Variants in TSPAN4 observed in about 807,000 individuals in gnomAD.
TSPAN4 encodes tetraspanin 4.
Under a neutral mutation model 31.5 loss-of-function variants are expected in TSPAN4, and 38 were observed. That is an observed-to-expected ratio of 1.21 (90% CI 0.93 to 1.58). The LOEUF is 1.58. Among genes scored for constraint, TSPAN4 ranks in the 40% most tolerant of loss-of-function variants. TSPAN4 has a pLI of 0.00. For missense variants in TSPAN4, 330 were observed against 317.3 expected (o/e 1.04, Z -0.30); for synonymous variants, 186 against 144.6 (o/e 1.29, Z -2.06).
At chr11:856,590 C>T (rs1408557944) in intron 3 of TSPAN4, among the ~76,000 whole-genome samples, 1 of 152,214 alleles carries the variant, frequency 6.6e-6, no homozygotes, top group Non-Finnish European at 1.5e-5. Flanking sequence ...AGGCTTTCAG[C>T]CTATTCCTAT....
chr11:859,188 T>C (rs1589782240), intron 3 of TSPAN4, among the ~76,000 whole-genome samples: 2 of 66,888 alleles, frequency 3.0e-5, no homozygotes, highest in Non-Finnish European at 5.6e-5. Context: ...ACGCATCCCC[T>C]CACATGCACC....
At chr11:851,866 A>G (rs1340087018) in intron 3 of TSPAN4, among the ~76,000 whole-genome samples, 1 of 151,524 alleles carries the variant, frequency 6.6e-6, no homozygotes, top group Non-Finnish European at 1.5e-5. Context: ...TCTCCTCTCC[A>G]CCCTCCTCCT....
intron 2 of TSPAN4, chr11:850,071 C>G (rs1047823683): frequency 7.7e-6 from 3 of 389,640 alleles, no homozygotes; most frequent in African/African-American, 6.5e-5. Context: ...CCGGCGCAGC[C>G]CCTCTCCGGA....
chr11:844,922 C>T (rs2133979362), intron 1 of TSPAN4, among the ~76,000 whole-genome samples: 1 of 152,250 alleles, frequency 6.6e-6, no homozygotes, highest in South Asian at 2.1e-4. Flanking sequence ...CTGGGTGTTG[C>T]CCTGGAAACA....
In TSPAN4 at chr11:864,466, G is replaced by T. The variant is rs779471581; in HGVS notation, c.285G>T (p.Leu95=). The T allele has an allele frequency of 6.2e-7, 1 of 1,612,792 alleles. No individual in the cohort carries two copies. Among genetic ancestry groups the T allele is most frequent in the Non-Finnish European group, 8.5e-7 (1 of 1,179,958 alleles). Residue 95 remains leucine (L), a synonymous_variant, in exon 5 of 9, where the codon CTG becomes CTT. Transcript: ENST00000397397. ...TFFLLLLLVF[L]LEATIAILFF... ...TCCTGCTGCTGCTGCTGGTGTTCCT[G>T]CTGGAGGCCACCATCGCCATCCTCT...
chr11:845,904 C>T (rs1475198299), intron 1 of TSPAN4, among the ~76,000 whole-genome samples: 2 of 152,126 alleles, frequency 1.3e-5, no homozygotes, highest in Non-Finnish European at 2.9e-5. Context: ...CACCCAGACT[C>T]TGTATGTAGC....
At chr11:844,969 C>T (rs28491585) in intron 1 of TSPAN4, among the ~76,000 whole-genome samples, 150,537 of 152,224 alleles carry the variant, frequency 0.99, 74,457 homozygotes, top group Middle Eastern at 1. Context: ...GGAGGGGGAG[C>T]ACGGGCTGAG....
intron 3 of TSPAN4, among the ~76,000 whole-genome samples, chr11:851,885 T>A (rs1485967965): frequency 6.6e-6 from 1 of 152,050 alleles, no homozygotes; most frequent in Non-Finnish European, 1.5e-5. Context: ...CTGTCCTCCG[T>A]GGCCTGGACA....
chr11:864,488 C>T lies in TSPAN4; in HGVS notation c.307C>T (p.Leu103Phe). Residue 103 changes from leucine to phenylalanine, a missense_variant, in exon 5 of 9, where the codon CTC becomes TTC. Physicochemically the swap from Leu to Phe is conservative, Grantham distance 22. Transcript: ENST00000397397. ...CCTGCTGGAGGCCACCATCGCCATC[C>T]TCTTCTTCGCCTACACGGACAAGGT... The part of the protein sequence containing the change: ...VFLLEATIAI[L>F]FFAYTDKIDR... The T allele has an allele frequency of 6.2e-7, 1 of 1,612,826 alleles. No individual in the cohort carries two copies. Among genetic ancestry groups the T allele is most frequent in the Non-Finnish European group, 8.5e-7 (1 of 1,179,948 alleles).
In TSPAN4 at chr11:855,514, G is replaced by A. The variant is rs529556669; in HGVS notation, c.63+5147G>A. The stretch of plus-strand genomic sequence containing the variant: ...GCACCCTGGGCAGGTGCCCACTGAC[G>A]AGGGCTGTTCTGCTCTCCCTGCTTT... On this transcript the variant is annotated intron_variant, in intron 3 of 8. Transcript: ENST00000397397. 4.6e-5 allele frequency among the ~76,000 whole-genome samples: 7 copies of A among 152,320 alleles called. No homozygotes were observed. In the East Asian group the frequency reaches 9.6e-4, roughly 21 times the overall value.
At position 848,071 on chromosome 11, in the gene TSPAN4, G is replaced by T. The variant is rs527636947; in HGVS notation, c.-18+771G>T. ...AGTAGGTGCTCTGAGCGCTGCCCAG[G>T]TCACATGTGAGCTCCCTGGAGGCGC... On this transcript the variant is annotated intron_variant, in intron 2 of 8. Coordinates refer to ENST00000397397, the MANE Select transcript of TSPAN4 (RefSeq NM_003271.5). This position sits in a 1 kb window ranked among gnomAD's most constrained non-coding sequence, Gnocchi z 5.7. Among the ~76,000 whole-genome samples, 12 of 152,340 alleles carry T rather than the reference G, an allele frequency of 7.9e-5. No individual in the cohort carries two copies. In the East Asian group the frequency reaches 2.3e-3, roughly 29 times the overall value.
At chr11:847,723 T>G (rs1847400177) in intron 2 of TSPAN4, among the ~76,000 whole-genome samples, 2 of 151,114 alleles carry the variant, frequency 1.3e-5, no homozygotes, top group Non-Finnish European at 2.9e-5. Flanking sequence ...GCTTTGTAGA[T>G]GGGAAAGGGG....
At chr11:861,595 C>T (rs1412886808) in intron 3 of TSPAN4, among the ~76,000 whole-genome samples, 2 of 152,138 alleles carry the variant, frequency 1.3e-5, no homozygotes, top group Non-Finnish European at 2.9e-5. Context: ...GCCTGTAGTC[C>T]CAGCTACTCG....
chr11:856,722 G>A (rs942698907), intron 3 of TSPAN4, among the ~76,000 whole-genome samples: 2 of 152,256 alleles, frequency 1.3e-5, no homozygotes, highest in African/African-American at 4.8e-5. Context: ...CCATCTGGCT[G>A]CATTTGACCA....
chr11:854,611 G>T (rs749492523), intron 3 of TSPAN4, among the ~76,000 whole-genome samples: 2 of 152,232 alleles, frequency 1.3e-5, no homozygotes, highest in African/African-American at 2.4e-5. Flanking sequence ...CGCTGCCTGG[G>T]CTGTCAACCC....
chr11:865,875 C>T, intron 7 of TSPAN4, 43 bp from the exon 8 acceptor site: 1 of 1,612,546 alleles, frequency 6.2e-7, no homozygotes, highest in East Asian at 2.2e-5. Flanking sequence ...GAGGGCGGGA[C>T]CAGCAGGCCC....
At chr11:861,529 G>A (rs1589788745) in intron 3 of TSPAN4, among the ~76,000 whole-genome samples, 1 of 152,110 alleles carries the variant, frequency 6.6e-6, no homozygotes, top group Non-Finnish European at 1.5e-5. Context: ...TGGCTAACAC[G>A]GTGAAACCCT....
At chr11:856,308 G>C (rs1420390683) in intron 3 of TSPAN4, among the ~76,000 whole-genome samples, 1 of 152,040 alleles carries the variant, frequency 6.6e-6, no homozygotes, top group African/African-American at 2.4e-5. Context: ...CCTGGGGCCT[G>C]GTATGCTGGA....
At position 848,528 on chromosome 11, in the gene TSPAN4, G is replaced by C. The variant is rs577595617; in HGVS notation, c.-18+1228G>C. On this transcript the variant is annotated intron_variant, in intron 2 of 8. Coordinates refer to ENST00000397397, the MANE Select transcript of TSPAN4 (RefSeq NM_003271.5). This position sits in a 1 kb window ranked among gnomAD's most constrained non-coding sequence, Gnocchi z 5.7. ...GCCCAGGTCGTCAGGGGTGGGCAGAGCTGCGGGACCTCCCTGGGCACCCGG... is the reference window on the plus strand; with the variant it reads ...GCCCAGGTCGTCAGGGGTGGGCAGACCTGCGGGACCTCCCTGGGCACCCGG... Among the ~76,000 whole-genome samples, 4 of 152,276 alleles carry C rather than the reference G, an allele frequency of 2.6e-5. No individual in the cohort carries two copies. In the East Asian group the frequency reaches 7.7e-4, roughly 29 times the overall value.
Sources: gnomAD v4.1 joint callset for allele counts (sites outside exome capture counted in the v4.1 genomes callset) on GRCh38, gnomAD v4.1.1 for gene constraint, Gnocchi (gnomAD v3.1) non-coding constraint, MANE v1.5 for transcripts, NCBI Gene and HGNC (gene_info 2026-07-23, HGNC 2026-07-21) for gene names.